The following CNTN4 variants were observed in gnomAD, a reference collection of about 807,000 sequenced individuals.
CNTN4 encodes the protein contactin 4.
A neutral mutation model predicts 122.5 loss-of-function variants in CNTN4; 77 were observed. That is an observed-to-expected ratio of 0.63 (90% CI 0.52 to 0.76). CNTN4 has a LOEUF of 0.76. CNTN4 is among the 30% of genes least tolerant of loss of function. The pLI is 0.00. For synonymous variants in CNTN4, 512 were observed against 447.0 expected (o/e 1.15, Z -1.83); for missense variants, 1,256 against 1,259.1 (o/e 1.00, Z 0.04).
chr3:2,102,031 CAT>C (rs1288539808), intron 2 of CNTN4, among the ~76,000 whole-genome samples: 2 of 152,134 alleles, frequency 1.3e-5, no homozygotes, highest in African/African-American at 2.4e-5. Flanking sequence ...CTCATGGACT[CAT>C]ATGTGGATAG....
chr3:2,521,363 A>G (rs1389265653), intron 3 of CNTN4, among the ~76,000 whole-genome samples: 1 of 16,560 alleles, frequency 6.0e-5, no homozygotes, highest in Admixed American at 9.7e-4. Context: ...CCCCCGCAAT[A>G]AGTCACTCAT....
At chr3:2,994,594 C>CATAT (rs35069373) in intron 14 of CNTN4, among the ~76,000 whole-genome samples, 12,532 of 144,558 alleles carry the variant, frequency 0.087, 674 homozygotes, top group African/African-American at 0.15. Flanking sequence ...CAGATTTTTT[C>CATAT]ATATATATAT....
intron 12 of CNTN4, among the ~76,000 whole-genome samples, chr3:2,917,304 C>G (rs978195083): frequency 1.4e-5 from 2 of 147,602 alleles, no homozygotes; most frequent in Non-Finnish European, 2.9e-5. Context: ...GAGGCGGAGA[C>G]GAGGCAGAGG....
At chr3:2,867,686 T>C (rs12715145) in intron 8 of CNTN4, among the ~76,000 whole-genome samples, 112,201 of 151,470 alleles carry the variant, frequency 0.74, 41,793 homozygotes, top group African/African-American at 0.82. Context: ...CCAGTTTCTT[T>C]AAAGATGTCA....
intron 8 of CNTN4, among the ~76,000 whole-genome samples, chr3:2,876,613 A>G (rs928019148): frequency 6.6e-6 from 1 of 152,240 alleles, no homozygotes; most frequent in Non-Finnish European, 1.5e-5. Flanking sequence ...TCCTTCTGCC[A>G]ACAGAGTCTC....
chr3:2,632,855 G>A (rs1242712058), intron 4 of CNTN4, among the ~76,000 whole-genome samples: 2 of 151,974 alleles, frequency 1.3e-5, no homozygotes, highest in East Asian at 1.9e-4. Context: ...GGGTTGCCCT[G>A]CCAGTGAATG....
At chr3:2,386,039 C>T (rs1316803421) in intron 3 of CNTN4, among the ~76,000 whole-genome samples, 3 of 152,060 alleles carry the variant, frequency 2.0e-5, no homozygotes, top group Non-Finnish European at 4.4e-5. Flanking sequence ...CTTGCACACA[C>T]TACTTATTAA....
At chr3:2,633,554 A>C (rs2150056648) in intron 4 of CNTN4, among the ~76,000 whole-genome samples, 1 of 152,310 alleles carries the variant, frequency 6.6e-6, no homozygotes. Flanking sequence ...CCATTGTGAA[A>C]ATGCAGTAGA....
At chr3:2,331,247 T>C (rs1452945807) in intron 2 of CNTN4, among the ~76,000 whole-genome samples, 1 of 152,162 alleles carries the variant, frequency 6.6e-6, no homozygotes, top group Non-Finnish European at 1.5e-5. Context: ...TGAAGATACT[T>C]ATTTTCCTTC....
At chr3:2,584,860 C>T (rs1282367350) in intron 4 of CNTN4, among the ~76,000 whole-genome samples, 1 of 151,782 alleles carries the variant, frequency 6.6e-6, no homozygotes, top group Non-Finnish European at 1.5e-5. Context: ...GTATCTTGTT[C>T]TCTACAGTGG....
chr3:2,290,134 G>GAAAC (rs2042079201), intron 2 of CNTN4, among the ~76,000 whole-genome samples: 1 of 152,070 alleles, frequency 6.6e-6, no homozygotes, highest in Non-Finnish European at 1.5e-5. Context: ...GGGAAAAAAT[G>GAAAC]AAACAACAGT....
chr3:2,427,657 A>C lies in CNTN4; in HGVS notation c.-89+88424A>C, dbSNP rs1026484580. Among the ~76,000 whole-genome samples the C allele has an allele frequency of 2.0e-5, 3 of 150,216 alleles. No homozygotes were observed. In the East Asian group the frequency reaches 5.8e-4, roughly 29 times the overall value. On this transcript the variant is annotated intron_variant, in intron 3 of 24. Coordinates refer to ENST00000418658, the MANE Select transcript of CNTN4 (RefSeq NM_175607.3). ...ATTTTCTGCCTCATGGATCTGTCTA[A>C]TATTGACAGTGGGGTGTTAAAGTCT...
chr3:2,236,508 C>T (rs932169480), intron 2 of CNTN4, among the ~76,000 whole-genome samples: 1 of 152,114 alleles, frequency 6.6e-6, no homozygotes. Flanking sequence ...CATTGAACTA[C>T]ATGTGAAGAG....
intron 2 of CNTN4, among the ~76,000 whole-genome samples, chr3:2,291,950 G>A (rs2042151444): frequency 6.6e-6 from 1 of 152,022 alleles, no homozygotes; most frequent in African/African-American, 2.4e-5. Context: ...TGGTCAGGCT[G>A]GTCTCGAACT....
chr3:2,953,270 G>T (rs942560655), intron 13 of CNTN4, among the ~76,000 whole-genome samples: 6 of 151,986 alleles, frequency 3.9e-5, no homozygotes, highest in East Asian at 1.9e-4. Context: ...CCTTCCAACT[G>T]CCCTGAGATG....
At chr3:2,988,565 G>A in intron 14 of CNTN4, 93 bp downstream of exon 14, 2 of 1,285,818 alleles carry the variant, frequency 1.6e-6, no homozygotes, top group Non-Finnish European at 2.3e-6. Flanking sequence ...ATATTAATAT[G>A]TACAGATACC....
At position 2,453,786 on chromosome 3, in the gene CNTN4, A is replaced by G. The variant is rs546721702; in HGVS notation, c.-89+114553A>G. ...AATAGATATGTATAACTTGAAGGTCAGTGTTATAAACATAGCCCAAACTAC... is the reference window on the plus strand; with the variant it reads ...AATAGATATGTATAACTTGAAGGTCGGTGTTATAAACATAGCCCAAACTAC... On this transcript the variant is annotated intron_variant, in intron 3 of 24. Transcript: ENST00000418658. Among the ~76,000 whole-genome samples, 56 of 152,314 alleles carry G rather than the reference A, an allele frequency of 3.7e-4. 1 individual carries two copies. The highest frequency in any genetic ancestry group is 5.2e-4 in the Admixed American group (8 of 15,280).
At chr3:2,116,043 T>C (rs1236357466) in intron 2 of CNTN4, among the ~76,000 whole-genome samples, 2 of 152,174 alleles carry the variant, frequency 1.3e-5, no homozygotes, top group African/African-American at 4.8e-5. Context: ...ATGTAAAGCC[T>C]CTAACTTGGG....
chr3:2,562,480 T>C (rs2078998396), intron 3 of CNTN4, among the ~76,000 whole-genome samples: 1 of 152,158 alleles, frequency 6.6e-6, no homozygotes, highest in African/African-American at 2.4e-5. Context: ...GATCACCCAG[T>C]ATTTGTTTCC....
Sources: gnomAD v4.1 joint callset for allele counts (sites outside exome capture counted in the v4.1 genomes callset) on GRCh38, gnomAD v4.1.1 for gene constraint, MANE v1.5 for transcripts, NCBI Gene and HGNC (gene_info 2026-07-23, HGNC 2026-07-21) for gene names.